PDGFRB: variants seen among roughly 807,000 people sequenced by gnomAD.
PDGFRB encodes platelet derived growth factor receptor beta.
PDGFRB carries 42 observed loss-of-function variants against 120.2 expected under a neutral mutation model. That is an observed-to-expected ratio of 0.35 (90% CI 0.27 to 0.45). PDGFRB has a LOEUF of 0.45. Among genes scored for constraint, PDGFRB ranks in the 20% least tolerant of loss-of-function variants. The pLI is 1.00. For missense variants in PDGFRB, 1,149 were observed against 1,476.3 expected (o/e 0.78, Z 3.63); for synonymous variants, 586 against 606.8 (o/e 0.97, Z 0.50).
chr5:150,145,647 T>A (rs1015338326), intron 1 of PDGFRB, among the ~76,000 whole-genome samples: 7 of 152,138 alleles, frequency 4.6e-5, no homozygotes, highest in African/African-American at 1.7e-4. Context: ...CCAATGCCCA[T>A]GAGACAGCCC....
At chr5:150,125,781 G>A (rs968194819) in intron 11 of PDGFRB, among the ~76,000 whole-genome samples, 3 of 152,240 alleles carry the variant, frequency 2.0e-5, no homozygotes, top group Non-Finnish European at 4.4e-5. Context: ...GGCCCCAGAG[G>A]AGGCTTCAGG....
chr5:150,130,704 GACAGTTA>G, intron 8 of PDGFRB, 42 bp from the exon 9 acceptor site: 1 of 1,603,158 alleles, frequency 6.2e-7, no homozygotes, highest in Non-Finnish European at 8.5e-7. Context: ...GGAGGGTCAG[GACAGTTA>G]ACAGGACAGG....
chr5:150,121,265 ATGTAGC>A lies in PDGFRB; in HGVS notation c.2396_2401del (p.Ser799_Tyr800del). 6.2e-7 allele frequency: 1 copy of A among 1,610,048 alleles called. No individual in the cohort carries two copies. The highest frequency in any genetic ancestry group is 8.5e-7 in the Non-Finnish European group (1 of 1,176,402). The stretch of plus-strand genomic sequence containing the variant: ...CTGGTAGCTGAAGCCCACGAGGTCC[ATGTAGC>A]TTAGCACTGGAGACTCGTTGATCAA... On this transcript the variant is annotated inframe_deletion, in exon 17 of 23. Transcript: ENST00000261799. This position sits in a 1 kb window ranked among gnomAD's most constrained non-coding sequence, Gnocchi z 4.1.
chr5:150,115,592 C>T lies in PDGFRB; in HGVS notation c.*171G>A. 1.8e-6 allele frequency: 1 copy of T among 570,152 alleles called. No homozygotes were observed. Among genetic ancestry groups the T allele is most frequent in the South Asian group, 3.7e-5 (1 of 26,958 alleles). The allele number at this position is 570,152 out of a possible 1,614,324, so 35.3% of individuals were successfully genotyped here. The stretch of plus-strand genomic sequence containing the variant: ...ACGGCCCCTGCAGTTTTCTTGCCTC[C>T]TAAGCCAGCCCCAGGGTTTGGGGCA... On this transcript the variant is annotated 3_prime_UTR_variant, in exon 23 of 23. Transcript: ENST00000261799.
intron 2 of PDGFRB, among the ~76,000 whole-genome samples, chr5:150,136,487 T>G (rs545874323): frequency 3.6e-4 from 54 of 152,080 alleles, no homozygotes; most frequent in African/African-American, 1.3e-3. Flanking sequence ...GTGATACAGA[T>G]CAGGAGGGGA....
chr5:150,148,627 C>A (rs1403125739), intron 1 of PDGFRB, among the ~76,000 whole-genome samples: 1 of 152,252 alleles, frequency 6.6e-6, no homozygotes, highest in Non-Finnish European at 1.5e-5. Context: ...AGCCCCAGTT[C>A]TCTGAGTTTA....
intron 11 of PDGFRB, 94 bp from the exon 12 acceptor site, chr5:150,125,671 C>A (rs564811628): frequency 5.9e-5 from 72 of 1,225,050 alleles, no homozygotes; most frequent in African/African-American, 7.5e-5. Flanking sequence ...GGGCAGGAGA[C>A]CCTGAGGCCC....
chr5:150,133,702 C>T lies in PDGFRB; in HGVS notation c.818G>A (p.Arg273His), dbSNP rs1190335517. ...DFLLDMPYHI[R>H]SILHIPSAEL... ...GGCACTGGGGATGTGCAGGATGGAG[C>T]GGATGTGGTAAGGCATATCCAAGAG... is the stretch of plus-strand genomic sequence containing the variant. The change falls in exon 6 of 23, where the codon CGC becomes CAC. Residue 273 changes from arginine (R) to histidine (H), a missense_variant. By Grantham distance (29) the Arg-to-His change is conservative. Transcript: ENST00000261799. 5.0e-6 allele frequency: 8 copies of T among 1,613,932 alleles called. No individual in the cohort carries two copies. Among genetic ancestry groups the T allele is most frequent in the South Asian group, 2.2e-5 (2 of 91,066 alleles).
At chr5:150,147,994 T>A (rs988496269) in intron 1 of PDGFRB, among the ~76,000 whole-genome samples, 3 of 152,122 alleles carry the variant, frequency 2.0e-5, no homozygotes, top group African/African-American at 7.2e-5. Context: ...AAGTGATGCA[T>A]GTGATAAATG....
chr5:150,134,910 C>T lies in PDGFRB; in HGVS notation c.471G>A (p.Val157=), dbSNP rs777363150. The change falls in exon 4 of 23, where the codon GTG becomes GTA. Residue 157 remains valine (V), a synonymous_variant. Coordinates refer to ENST00000261799, the MANE Select transcript of PDGFRB (RefSeq NM_002609.4). ...IPCRVTDPQL[V]VTLHEKKGDV... ...CCCCTTTCTTCTCGTGCAGTGTCAC[C>T]ACCAGCTGTGGGTCTGTTACTCGGC... 10 of 1,614,040 alleles carry T rather than the reference C, an allele frequency of 6.2e-6. No homozygotes were observed. The highest frequency in any genetic ancestry group is 8.5e-6 in the Non-Finnish European group (10 of 1,179,876).
In PDGFRB at chr5:150,115,560, G is replaced by A. The variant is rs1180232903; in HGVS notation, c.*203C>T. The A allele has an allele frequency of 2.3e-6, 1 of 438,488 alleles. No homozygotes were observed. Among genetic ancestry groups the A allele is most frequent in the Admixed American group, 4.3e-5 (1 of 23,126 alleles). 27.2% of individuals were successfully genotyped at this position (438,488 alleles called of 1,614,324 possible). On this transcript the variant is annotated 3_prime_UTR_variant, in exon 23 of 23. Transcript: ENST00000261799. Reference sequence around the variant, plus strand: ...CAGTTGGCCTCCCTGGAGGCAGAGGGCTGGTCACGGCCCCTGCAGTTTTCT... The same window carrying A: ...CAGTTGGCCTCCCTGGAGGCAGAGGACTGGTCACGGCCCCTGCAGTTTTCT...
rs1184522300 is a variant in PDGFRB, at chr5:150,117,827, C to T, written c.2928G>A (p.Glu976=). Residue 976 remains glutamate, a synonymous_variant, in exon 22 of 23, where the codon GAG becomes GAA. Coordinates refer to ENST00000261799, the MANE Select transcript of PDGFRB (RefSeq NM_002609.4). ...YKKKYQQVDE[E]FLRSDHPAIL... ...TGGCTGGGTGGTCACTCCTCAGAAA[C>T]TCCTCATCCACCTGCTGGTACTTCT... 1.9e-6 allele frequency: 3 copies of T among 1,611,698 alleles called. No individual in the cohort carries two copies. The South Asian group carries it at 3.3e-5, about 18-fold the overall frequency.
At chr5:150,129,702 GCA>G in intron 10 of PDGFRB, 53 bp downstream of exon 10, 1 of 1,438,904 alleles carries the variant, frequency 6.9e-7, no homozygotes. Context: ...TACCAATTAG[GCA>G]GGATTAAGGT....
Position 150,155,687 on chromosome 5 carries a change from T to C in PDGFRB, c.-297A>G. 1 of 398,710 alleles carries C rather than the reference T, an allele frequency of 2.5e-6. No homozygotes were observed. The highest frequency in any genetic ancestry group is 2.1e-5 in the African/African-American group (1 of 48,766). The allele number at this position is 398,710 out of a possible 1,614,324, so 24.7% of individuals were successfully genotyped here. A position where few individuals can be genotyped will look rare whatever the true frequency, so the allele number is the denominator to read the frequency against. ...GCCGCCAGAGGGGCCGCCCTGGGTCTGGCTGTCTGCGTTGGGCAGGGCGAG... is the reference window on the plus strand; with the variant it reads ...GCCGCCAGAGGGGCCGCCCTGGGTCCGGCTGTCTGCGTTGGGCAGGGCGAG... On this transcript the variant is annotated 5_prime_UTR_variant, in exon 1 of 23. Coordinates refer to ENST00000261799, the MANE Select transcript of PDGFRB (RefSeq NM_002609.4).
In PDGFRB at chr5:150,134,593, T is replaced by G. The variant is rs143482730; in HGVS notation, c.631+157A>C. ...TCCTCTCTCTGCGCCTGAGTTTCCC[T>G]CTTCTGTAACATGGGGAAAACACTA... is the stretch of plus-strand genomic sequence containing the variant. On this transcript the variant is annotated intron_variant, in intron 4 of 22. Coordinates refer to ENST00000261799, the MANE Select transcript of PDGFRB (RefSeq NM_002609.4). The G allele has an allele frequency of 7.4e-5, 52 of 698,776 alleles. No individual in the cohort carries two copies. The East Asian group carries it at 1.4e-3, about 19-fold the overall frequency. 43.3% of individuals were successfully genotyped at this position (698,776 alleles called of 1,614,324 possible). A position where few individuals can be genotyped will look rare whatever the true frequency, so the allele number is the denominator to read the frequency against.
intron 19 of PDGFRB, 118 bp downstream of exon 19, chr5:150,119,894 C>A: frequency 5.7e-6 from 4 of 706,334 alleles, no homozygotes; most frequent in Non-Finnish European, 1.1e-5. Flanking sequence ...AGAGCTGGGA[C>A]CTGAACCAGG....
intron 1 of PDGFRB, among the ~76,000 whole-genome samples, chr5:150,150,482 G>A (rs1761045175): frequency 6.6e-6 from 1 of 152,208 alleles, no homozygotes; most frequent in Non-Finnish European, 1.5e-5. Context: ...AGGCACCTGA[G>A]ACATCAAATA....
intron 1 of PDGFRB, among the ~76,000 whole-genome samples, chr5:150,146,408 G>A (rs1008051694): frequency 1.3e-5 from 2 of 152,138 alleles, no homozygotes; most frequent in Non-Finnish European, 2.9e-5. Context: ...TGTGAGGGGG[G>A]TACACTCATT....
intron 1 of PDGFRB, among the ~76,000 whole-genome samples, chr5:150,137,985 A>G (rs994374990): frequency 1.3e-5 from 2 of 152,212 alleles, no homozygotes; most frequent in African/African-American, 4.8e-5. Context: ...AGAAGCAAGG[A>G]CAAAGACAGA....
Sources: allele counts gnomAD v4.1 joint callset (sites outside exome capture counted in the v4.1 genomes callset), GRCh38; gene constraint gnomAD v4.1.1; non-coding constraint Gnocchi (gnomAD v3.1); transcripts MANE v1.5; gene names NCBI Gene and HGNC (gene_info 2026-07-23, HGNC 2026-07-21).